Variants in CERS2 observed in about 807,000 individuals in gnomAD.
CERS2 encodes the protein ceramide synthase 2.
A neutral mutation model predicts 56.6 loss-of-function variants in CERS2; 20 were observed. That is an observed-to-expected ratio of 0.35 (90% confidence interval 0.25 to 0.51). CERS2 has a LOEUF of 0.51. Among genes scored for constraint, CERS2 ranks in the 20% least tolerant of loss-of-function variants. CERS2 has a pLI of 0.96. For synonymous variants in CERS2, 187 were observed against 175.4 expected (o/e 1.07, Z -0.52); for missense variants, 361 against 488.6 (o/e 0.74, Z 2.46).
Position 150,966,013 on chromosome 1 carries a change from C to CA in CERS2, c.*134dup. The CA allele has an allele frequency of 1.1e-6, 1 of 945,282 alleles. No individual in the cohort carries two copies. The highest frequency in any genetic ancestry group is 1.8e-5 in the South Asian group (1 of 55,156). 58.6% of individuals were successfully genotyped at this position (945,282 alleles called of 1,614,324 possible). The stretch of plus-strand genomic sequence containing the variant: ...GGTTTAAAGGCAACTGGGTGACAAG[C>CA]AAGGAGGGAGGATGCAGAGAACTCT... On this transcript the variant is annotated 3_prime_UTR_variant, in exon 11 of 11. Transcript: ENST00000368954.
At chr1:150,966,329 C>T (rs1323290723) in intron 10 of CERS2, 41 bp from the exon 11 acceptor site, 2 of 1,608,132 alleles carry the variant, frequency 1.2e-6, no homozygotes, top group Non-Finnish European at 1.7e-6. Flanking sequence ...ATGAGATCCT[C>T]AAACCCCTAA....
chr1:150,966,369 G>A (rs1374801281), intron 10 of CERS2, 81 bp from the exon 11 acceptor site: 1 of 1,597,224 alleles, frequency 6.3e-7, no homozygotes, highest in Non-Finnish European at 8.5e-7. Flanking sequence ...GCTTGTTCCT[G>A]TTATACCCAG....
chr1:150,966,710 C>T (rs1441481087), intron 9 of CERS2, 46 bp downstream of exon 9: 3 of 1,602,778 alleles, frequency 1.9e-6, no homozygotes, highest in African/African-American at 1.3e-5. Context: ...AAAGGCAAGG[C>T]TCCTGATTTC....
rs764050063 is a variant in CERS2, at chr1:150,967,840, C to T, written c.448G>A (p.Gly150Ser). 5 of 1,613,772 alleles carry T rather than the reference C, an allele frequency of 3.1e-6. No individual in the cohort carries two copies. In the African/African-American group the frequency reaches 4.0e-5, roughly 13 times the overall value. The part of the protein sequence containing the change: ...FTFYLIAFIA[G>S]MAVIVDKPWF... ...CTCACATCCACAATGACGGCCATGC[C>T]GGCAATGAAGGCAATCAGGTAAAAT... Residue 150 changes from glycine (G) to serine (S), a missense_variant, in exon 5 of 11, where the codon GGC becomes AGC. Gly to Ser is a moderately conservative substitution (Grantham distance 56). Coordinates refer to ENST00000368954, the MANE Select transcript of CERS2 (RefSeq NM_022075.5).
chr1:150,969,199 C>T (rs775378544), intron 1 of CERS2, 108 bp from the exon 2 acceptor site: 77 of 900,382 alleles, frequency 8.6e-5, no homozygotes, highest in South Asian at 1.6e-4. Context: ...GGCAGAGAGT[C>T]GAACTCTAGA....
In CERS2 at chr1:150,968,381, C is replaced by T. The variant is rs376191508; in HGVS notation, c.291+14G>A. The T allele has an allele frequency of 1.4e-5, 23 of 1,598,184 alleles. No homozygotes were observed. The highest frequency in any genetic ancestry group is 1.7e-4 in the Middle Eastern group (1 of 6,058). On this transcript the variant is annotated intron_variant, in intron 3 of 10. Coordinates refer to ENST00000368954, the MANE Select transcript of CERS2 (RefSeq NM_022075.5). The stretch of plus-strand genomic sequence containing the variant: ...TCAGTGATTCCCAGAGCCAGAGCAG[C>T]ATGCGGCTCATACCTGCTTGGGCTG...
intron 1 of CERS2, 69 bp from the exon 2 acceptor site, chr1:150,969,160 G>A: frequency 1.4e-6 from 2 of 1,398,002 alleles, no homozygotes; most frequent in Non-Finnish European, 2.0e-6. Context: ...ATGAATAAAA[G>A]TTTTCAGGAT....
rs1258378059 is a variant in CERS2 at position 150,965,723 on chromosome 1, G to A, written c.*425C>T. ...AGGGAGCTTAGAAAGGTTAGCCTTG[G>A]TCCAGCTTTGGCAGAATGAGGCCCA... On this transcript the variant is annotated 3_prime_UTR_variant, in exon 11 of 11. Coordinates refer to ENST00000368954, the MANE Select transcript of CERS2 (RefSeq NM_022075.5). 6.3e-6 allele frequency: 1 copy of A among 158,646 alleles called. No individual in the cohort carries two copies. The highest frequency in any genetic ancestry group is 1.4e-5 in the Non-Finnish European group (1 of 72,432). The allele number at this position is 158,646 out of a possible 1,614,324, so 9.8% of individuals were successfully genotyped here.
chr1:150,969,634 A>C (rs188280005), intron 1 of CERS2, among the ~76,000 whole-genome samples: 2 of 151,588 alleles, frequency 1.3e-5, no homozygotes, highest in East Asian at 3.9e-4. Context: ...TGGAATTAAG[A>C]AACTTGGGGT....
At chr1:150,967,998 C>T in intron 4 of CERS2, 85 bp downstream of exon 4, 2 of 1,417,278 alleles carry the variant, frequency 1.4e-6, no homozygotes, top group South Asian at 1.2e-5. Context: ...CTCACATCTC[C>T]CTGCGTATAG....
At chr1:150,966,336 C>T in intron 10 of CERS2, 48 bp from the exon 11 acceptor site, 1 of 1,604,498 alleles carries the variant, frequency 6.2e-7, no homozygotes, top group Middle Eastern at 1.7e-4. Context: ...CCTCAAACCC[C>T]TAAGTACTGC....
chr1:150,968,263 C>T (rs1571674009), intron 3 of CERS2, 62 bp from the exon 4 acceptor site: 1 of 1,544,972 alleles, frequency 6.5e-7, no homozygotes, highest in African/African-American at 1.4e-5. Context: ...CATCCCCAGC[C>T]TCTCCCAGTA....
intron 4 of CERS2, 68 bp downstream of exon 4, chr1:150,968,015 C>T: frequency 1.4e-6 from 2 of 1,476,632 alleles, no homozygotes; most frequent in Non-Finnish European, 1.9e-6. Flanking sequence ...ATAGCCACCG[C>T]CTATCCCTCC....
intron 1 of CERS2, among the ~76,000 whole-genome samples, chr1:150,969,560 G>A (rs921726741): frequency 2.8e-5 from 4 of 141,964 alleles, no homozygotes; most frequent in South Asian, 2.4e-4. Context: ...AGGTGACAGC[G>A]AGACTGTCTC....
intron 1 of CERS2, among the ~76,000 whole-genome samples, chr1:150,971,016 A>T (rs142185605): frequency 1.3e-5 from 2 of 152,292 alleles, no homozygotes; most frequent in East Asian, 3.9e-4. Context: ...ATGAGGGAAG[A>T]GCAGCTGCTT....
Position 150,966,091 on chromosome 1 carries a change from G to A in CERS2, c.*57C>T, listed in dbSNP as rs1671002176. 2 of 1,539,218 alleles carry A rather than the reference G, an allele frequency of 1.3e-6. No homozygotes were observed. Among genetic ancestry groups the A allele is most frequent in the Non-Finnish European group, 1.8e-6 (2 of 1,127,870 alleles). On this transcript the variant is annotated 3_prime_UTR_variant, in exon 11 of 11. Transcript: ENST00000368954. ...GCTTAAAGTGACCCTATAGCGCAGGGAGCGGGGTAGTTCCTTGGCTTTATG... is the reference window on the plus strand; with the variant it reads ...GCTTAAAGTGACCCTATAGCGCAGGAAGCGGGGTAGTTCCTTGGCTTTATG...
At position 150,968,463 on chromosome 1, in the gene CERS2, G is replaced by A. The variant is rs1284685209; in HGVS notation, c.223C>T (p.Arg75Trp). ...AALLNIKEKTRLRAPPNATLE... is the reference protein window; with the variant it reads ...AALLNIKEKTWLRAPPNATLE... The stretch of plus-strand genomic sequence containing the variant: ...GTGGCGTTGGGAGGTGCCCGCAGCC[G>A]AGTTTTCTCCTTTATGTTCAAGAGG... Residue 75 changes from arginine (R) to tryptophan (W), a missense_variant, in exon 3 of 11, where the codon CGG becomes TGG. By Grantham distance (101) the Arg-to-Trp change is moderately radical. Transcript: ENST00000368954. The A allele has an allele frequency of 5.0e-6, 8 of 1,614,040 alleles. No homozygotes were observed. The highest frequency in any genetic ancestry group is 1.3e-5 in the African/African-American group (1 of 74,924).
Position 150,965,843 on chromosome 1 carries a change from G to A in CERS2, c.*305C>T. 1 of 276,704 alleles carries A rather than the reference G, an allele frequency of 3.6e-6. No individual in the cohort carries two copies. Among genetic ancestry groups the A allele is most frequent in the South Asian group, 8.2e-5 (1 of 12,238 alleles). 17.1% of individuals were successfully genotyped at this position (276,704 alleles called of 1,614,324 possible). On this transcript the variant is annotated 3_prime_UTR_variant, in exon 11 of 11. Coordinates refer to ENST00000368954, the MANE Select transcript of CERS2 (RefSeq NM_022075.5). ...ATTCTCAGAATAAGGAATGTGAATT[G>A]TAACCCCTACCCACAGAGAGCTGAG... is the stretch of plus-strand genomic sequence containing the variant.
At chr1:150,968,288 C>A in intron 3 of CERS2, 87 bp from the exon 4 acceptor site, 1 of 1,472,648 alleles carries the variant, frequency 6.8e-7, no homozygotes. Context: ...CCTCAGTCAG[C>A]ACCACTGCTT....
Sources: allele counts gnomAD v4.1 joint callset (sites outside exome capture counted in the v4.1 genomes callset), GRCh38; gene constraint gnomAD v4.1.1; transcripts MANE v1.5; gene names NCBI Gene and HGNC (gene_info 2026-07-23, HGNC 2026-07-21).